The following NRG1 variants were observed in gnomAD, a reference collection of about 807,000 sequenced individuals.
NRG1 encodes neuregulin 1.
Under a neutral mutation model 63.8 loss-of-function variants are expected in NRG1, and 18 were observed. The observed-to-expected ratio is 0.28, with a 90% CI of 0.19 to 0.42. The LOEUF is 0.42. NRG1 is among the 10% of genes least tolerant of loss of function. The pLI is 1.00. For synonymous variants in NRG1, 302 were observed against 301.3 expected, an observed-to-expected ratio of 1.00 and a Z score of -0.02; for missense variants, 762 against 814.7, an observed-to-expected ratio of 0.94 and a Z score of 0.79.
intron 1 of NRG1, among the ~76,000 whole-genome samples, chr8:32,104,609 A>G (rs1228729165): frequency 6.6e-6 from 1 of 152,138 alleles, no homozygotes; most frequent in South Asian, 2.1e-4. Context: ...AAATACAAAC[A>G]CATTGTACAG....
At chr8:32,307,763 G>A (rs1192046263) in intron 1 of NRG1, among the ~76,000 whole-genome samples, 3 of 152,166 alleles carry the variant, frequency 2.0e-5, no homozygotes, top group Non-Finnish European at 4.4e-5. Flanking sequence ...AGGTGGTGGT[G>A]AAAGCGGTGA....
chr8:32,522,459 C>T (rs1266913723), intron 1 of NRG1, among the ~76,000 whole-genome samples: 1 of 152,166 alleles, frequency 6.6e-6, no homozygotes, highest in African/African-American at 2.4e-5. Context: ...CTGAAGGTGC[C>T]TCACCTTTCT....
chr8:32,754,335 G>A (rs1234380289), intron 7 of NRG1, 37 bp from the exon 8 acceptor site: 9 of 1,590,980 alleles, frequency 5.7e-6, no homozygotes, highest in Admixed American at 1.7e-5. Context: ...GCAAGTGGAA[G>A]TGACCTGTGA....
intron 1 of NRG1, among the ~76,000 whole-genome samples, chr8:31,882,131 T>C (rs1349582906): frequency 6.6e-6 from 1 of 152,080 alleles, no homozygotes; most frequent in African/African-American, 2.4e-5. Flanking sequence ...TGTTAGGGGC[T>C]AATGCAGCAG....
intron 1 of NRG1, among the ~76,000 whole-genome samples, chr8:32,249,662 A>G (rs564052152): frequency 6.6e-5 from 10 of 152,252 alleles, no homozygotes; most frequent in African/African-American, 1.9e-4. Context: ...ACAAGGGTCC[A>G]TATCACAGGA....
intron 1 of NRG1, among the ~76,000 whole-genome samples, chr8:32,447,441 A>C (rs1370078038): frequency 6.6e-6 from 1 of 152,202 alleles, no homozygotes; most frequent in African/African-American, 2.4e-5. Flanking sequence ...TCACTGTGGG[A>C]AACATTTACA....
chr8:31,982,000 G>A (rs1442664205), intron 1 of NRG1, among the ~76,000 whole-genome samples: 1 of 151,876 alleles, frequency 6.6e-6, no homozygotes, highest in Non-Finnish European at 1.5e-5. Flanking sequence ...GGAACAACAT[G>A]TATAAATATA....
rs2129541534 is a variant in NRG1 at position 32,614,512 on chromosome 8, A to G, written c.401-2A>G. Reference sequence around the variant, plus strand: ...TAATGTCCTATCACCTTTTTTTTTCAGAGATCATCACTGGTATGCCAGCCT... The same window carrying G: ...TAATGTCCTATCACCTTTTTTTTTCGGAGATCATCACTGGTATGCCAGCCT... On this transcript the variant is annotated splice_acceptor_variant, in intron 3 of 11. Coordinates refer to ENST00000356819, the Ensembl canonical transcript of NRG1. LOFTEE classifies it high-confidence loss of function. 2 of 1,610,884 alleles carry G rather than the reference A, an allele frequency of 1.2e-6. No individual in the cohort carries two copies. The highest frequency in any genetic ancestry group is 1.7e-6 in the Non-Finnish European group (2 of 1,178,180).
At chr8:32,190,200 A>T (rs1842355376) in intron 1 of NRG1, among the ~76,000 whole-genome samples, 3 of 145,218 alleles carry the variant, frequency 2.1e-5, no homozygotes, top group South Asian at 2.2e-4. Context: ...ATTATTATTA[A>T]TTTTTTTCTA....
In NRG1 at chr8:32,595,808, A is replaced by C. The variant is rs113928729; in HGVS notation, c.101-20A>C. The C allele has an allele frequency of 6.3e-7, 1 of 1,596,442 alleles. No individual in the cohort carries two copies. The highest frequency in any genetic ancestry group is 1.4e-5 in the African/African-American group (1 of 73,590). ...TGCCTGGTGATCAGAGTTGTTTTTC[A>C]TTCTCTTTTCTTCTTTTAGCCTTGC... is the stretch of plus-strand genomic sequence containing the variant. On this transcript the variant is annotated intron_variant, in intron 1 of 11. Coordinates refer to ENST00000356819, the Ensembl canonical transcript of NRG1.
intron 1 of NRG1, among the ~76,000 whole-genome samples, chr8:31,712,972 TCCATCCATCCAC>T (rs768214973): frequency 0.015 from 1,262 of 85,726 alleles, 14 homozygotes; most frequent in Middle Eastern, 0.038. Context: ...CATCTCTCTG[TCCATCCATCCAC>T]CCATCCATCC....
At chr8:32,476,977 G>A (rs1420880121) in intron 1 of NRG1, among the ~76,000 whole-genome samples, 1 of 152,110 alleles carries the variant, frequency 6.6e-6, no homozygotes, top group Non-Finnish European at 1.5e-5. Context: ...AAGGGCTGAC[G>A]AGCTGGGAGG....
intron 1 of NRG1, among the ~76,000 whole-genome samples, chr8:31,847,763 C>T (rs1826827594): frequency 6.6e-6 from 1 of 152,192 alleles, no homozygotes; most frequent in Non-Finnish European, 1.5e-5. Context: ...TTTCTGCTGT[C>T]ATTATTTGTG....
chr8:32,069,161 C>T (rs1445412262), intron 1 of NRG1, among the ~76,000 whole-genome samples: 2 of 152,166 alleles, frequency 1.3e-5, no homozygotes, highest in Non-Finnish European at 2.9e-5. Flanking sequence ...TATACCAGAA[C>T]TGTGTTTACT....
chr8:32,715,910 G>A (rs979233712), intron 5 of NRG1, among the ~76,000 whole-genome samples: 1 of 152,176 alleles, frequency 6.6e-6, no homozygotes, highest in Non-Finnish European at 1.5e-5. Context: ...CCAAAGTGCT[G>A]GGATTACAGG....
At position 31,640,211 on chromosome 8, in the gene NRG1, C is replaced by T. The variant is rs754779000; in HGVS notation, c.37+780C>T. 3 of 1,167,248 alleles carry T rather than the reference C, an allele frequency of 2.6e-6. No individual in the cohort carries two copies. The highest frequency in any genetic ancestry group is 7.8e-5 in the South Asian group (2 of 25,482). 72.3% of individuals were successfully genotyped at this position (1,167,248 alleles called of 1,614,324 possible). ...AGCGTGGGATCGGTGCAGGAGCTAG[C>T]TCAGCGCGCCGCGGTGGTGATCGAG... On this transcript the variant is annotated intron_variant, in intron 1 of 10. Coordinates refer to the NRG1 transcript ENST00000519301. The surrounding 1 kb of genome is among the most constrained non-coding windows in gnomAD (Gnocchi z 6.3).
intron 1 of NRG1, among the ~76,000 whole-genome samples, chr8:32,384,292 T>C (rs1389379806): frequency 6.6e-6 from 1 of 152,158 alleles, no homozygotes; most frequent in Non-Finnish European, 1.5e-5. Context: ...GGTACAAATA[T>C]AAAAGAGCAA....
chr8:32,759,366 T>C (rs117293579), exon 10 of NRG1: 1 of 1,613,976 alleles, frequency 6.2e-7, no homozygotes, highest in Non-Finnish European at 8.5e-7. Context: ...AGCAGAGACA[T>C]CCTTTTCCAC....
intron 1 of NRG1, among the ~76,000 whole-genome samples, chr8:31,998,748 G>A (rs1230067061): frequency 1.3e-5 from 2 of 151,984 alleles, no homozygotes; most frequent in Non-Finnish European, 2.9e-5. Context: ...CTCCTTGGAT[G>A]CCAATTAGGC....
Sources: allele counts gnomAD v4.1 joint callset (sites outside exome capture counted in the v4.1 genomes callset), GRCh38; gene constraint gnomAD v4.1.1; non-coding constraint Gnocchi (gnomAD v3.1); transcripts MANE v1.5; gene names NCBI Gene and HGNC (gene_info 2026-07-23, HGNC 2026-07-21).